PCDH15: variants seen among roughly 807,000 people sequenced by gnomAD.
PCDH15 encodes the protein protocadherin-15.
Under a neutral mutation model 178.5 loss-of-function variants are expected in PCDH15, and 129 were observed. The ratio of observed to expected loss-of-function variants is 0.72; its 90% CI spans 0.63 to 0.84. PCDH15 has a LOEUF of 0.84. Ranked by LOEUF, PCDH15 falls within the 40% of genes least tolerant of loss-of-function variation. The pLI, the probability that PCDH15 is intolerant of heterozygous loss-of-function variation, is 0.00. For missense variants in PCDH15, 2,230 were observed against 2,099.9 expected (o/e 1.06, Z -1.21); for synonymous variants, 800 against 732.0 (o/e 1.09, Z -1.50).
chr10:54,525,370 C>T (rs542164597), intron 3 of PCDH15, among the ~76,000 whole-genome samples: 1 of 152,248 alleles, frequency 6.6e-6, no homozygotes, highest in East Asian at 1.9e-4. Flanking sequence ...AATAGGAAAC[C>T]CACATGTTTT....
chr10:54,823,170 G>A (rs1415676580), intron 3 of PCDH15, among the ~76,000 whole-genome samples: 7 of 151,592 alleles, frequency 4.6e-5, no homozygotes, highest in Non-Finnish European at 7.4e-5. Flanking sequence ...GCGTGAGCCT[G>A]TAATGGGTTA....
chr10:54,397,020 C>T (rs1252314292), intron 3 of PCDH15, among the ~76,000 whole-genome samples: 1 of 152,036 alleles, frequency 6.6e-6, no homozygotes, highest in East Asian at 1.9e-4. Flanking sequence ...ATGAATTTCT[C>T]AACCATTGTT....
chr10:55,619,611 A>C (rs1843547743), intron 2 of PCDH15, among the ~76,000 whole-genome samples: 1 of 152,064 alleles, frequency 6.6e-6, no homozygotes, highest in Non-Finnish European at 1.5e-5. Context: ...CAAATTAGTT[A>C]ATAAATGTAA....
intron 10 of PCDH15, among the ~76,000 whole-genome samples, chr10:54,207,499 G>T (rs751347721): frequency 1.3e-5 from 2 of 151,856 alleles, no homozygotes; most frequent in African/African-American, 4.8e-5. Context: ...TAAAACAAAA[G>T]TTGTAAAAGG....
In PCDH15 at chr10:55,182,489, C is replaced by T. The variant is rs139379150; in HGVS notation, c.-155-15838G>A. Reference sequence around the variant, plus strand: ...ATTAAGTCTTGGCTTTGTCACTGATCGCTGTCAACTTGGACAGGTTACTTT... The same window carrying T: ...ATTAAGTCTTGGCTTTGTCACTGATTGCTGTCAACTTGGACAGGTTACTTT... On this transcript the variant is annotated intron_variant, in intron 1 of 5. Coordinates refer to the PCDH15 transcript ENST00000458638. Among the ~76,000 whole-genome samples the T allele has an allele frequency of 1.7e-3, 251 of 152,056 alleles. 1 individual carries two copies. Among genetic ancestry groups the T allele is most frequent in the African/African-American group, 5.6e-3 (231 of 41,532 alleles).
In PCDH15 at chr10:53,943,974, T is replaced by C. The variant is rs979387243; in HGVS notation, c.3123-2999A>G. On this transcript the variant is annotated intron_variant, in intron 23 of 37. Transcript: ENST00000644397. ...GTACCAGTTACATGATGGAGGCAAA[T>C]TGCATACTCTCTTTGGAGTCACATA... Among the ~76,000 whole-genome samples, 6 of 152,156 alleles carry C rather than the reference T, an allele frequency of 3.9e-5. No homozygotes were observed. In the East Asian group the frequency reaches 7.7e-4, roughly 20 times the overall value.
At chr10:55,423,589 G>A (rs1838677677) in intron 2 of PCDH15, among the ~76,000 whole-genome samples, 1 of 152,026 alleles carries the variant, frequency 6.6e-6, no homozygotes, top group Admixed American at 6.6e-5. Flanking sequence ...CCTCTGTTTA[G>A]AGCAAGGAAT....
intron 3 of PCDH15, among the ~76,000 whole-genome samples, chr10:54,392,899 A>C (rs1246378304): frequency 9.9e-6 from 1 of 100,504 alleles, no homozygotes; most frequent in Non-Finnish European, 1.8e-5. Flanking sequence ...ACTCAGGCTC[A>C]AAAAAAAAAA....
At chr10:54,415,946 T>C (rs2135720988) in intron 3 of PCDH15, among the ~76,000 whole-genome samples, 1 of 152,116 alleles carries the variant, frequency 6.6e-6, no homozygotes, top group South Asian at 2.1e-4. Flanking sequence ...TGAATAGGTA[T>C]AATATTTTTT....
At chr10:54,063,164 T>G (rs575107444) in intron 18 of PCDH15, among the ~76,000 whole-genome samples, 40 of 152,340 alleles carry the variant, frequency 2.6e-4, no homozygotes, top group African/African-American at 9.4e-4. Flanking sequence ...GTAATTTTTA[T>G]AAAATACAAA....
rs77298585 is a variant in PCDH15, at chr10:54,186,304, A to T, written c.1306-1036T>A. On this transcript the variant is annotated intron_variant, in intron 11 of 37. Transcript: ENST00000644397. ...CACTTCTTTAAGTCTGATGTCAAGG[A>T]CTGAGGCAAGAGCAAAGAATAGAAA... Among the ~76,000 whole-genome samples the T allele has an allele frequency of 9.4e-4, 143 of 152,132 alleles. 5 individuals are homozygous for T. The East Asian group carries it at 0.026, about 27-fold the overall frequency.
chr10:54,334,286 G>A (rs1203098645), intron 6 of PCDH15, among the ~76,000 whole-genome samples: 1 of 152,154 alleles, frequency 6.6e-6, no homozygotes, highest in Non-Finnish European at 1.5e-5. Flanking sequence ...ACAGATATGG[G>A]AAGCAGGGTA....
chr10:54,041,956 C>T (rs546128117), intron 18 of PCDH15, among the ~76,000 whole-genome samples: 2 of 151,924 alleles, frequency 1.3e-5, no homozygotes, highest in Non-Finnish European at 2.9e-5. Flanking sequence ...TAGTAACATT[C>T]TTGAGATTAT....
At position 53,973,840 on chromosome 10, in the gene PCDH15, T is replaced by C. The variant is rs919132550; in HGVS notation, c.2869-11948A>G. Among the ~76,000 whole-genome samples the C allele has an allele frequency of 2.0e-5, 3 of 152,280 alleles. No individual in the cohort carries two copies. In the East Asian group the frequency reaches 5.8e-4, roughly 29 times the overall value. On this transcript the variant is annotated intron_variant, in intron 21 of 37. Transcript: ENST00000644397. ...ATACTTAGATATGAGGAAGAGCCTT[T>C]CTAATTGGTAAAGTAACATAGTCTC...
chr10:55,437,835 T>TC (rs1399269279), intron 2 of PCDH15, among the ~76,000 whole-genome samples: 1 of 144,464 alleles, frequency 6.9e-6, no homozygotes, highest in African/African-American at 2.6e-5. Context: ...TGCTTTTCTT[T>TC]TTTTTTTTTT....
chr10:54,835,380 T>C (rs1339919257), intron 3 of PCDH15, among the ~76,000 whole-genome samples: 1 of 152,150 alleles, frequency 6.6e-6, no homozygotes, highest in Admixed American at 6.6e-5. Flanking sequence ...TCCATTCACA[T>C]AAAAATTATT....
intron 9 of PCDH15, among the ~76,000 whole-genome samples, chr10:54,230,308 T>C (rs2053915365): frequency 2.6e-5 from 4 of 152,070 alleles, no homozygotes. Flanking sequence ...CAGCTATAAG[T>C]GTTCAGTTAT....
intron 21 of PCDH15, among the ~76,000 whole-genome samples, chr10:53,972,283 T>C (rs111545910): frequency 1.4e-5 from 2 of 142,024 alleles, no homozygotes; most frequent in African/African-American, 5.2e-5. Flanking sequence ...ATACAAAAAT[T>C]AATTCAAGAT....
At chr10:55,231,725 A>T (rs942409431) in intron 1 of PCDH15, among the ~76,000 whole-genome samples, 4 of 152,050 alleles carry the variant, frequency 2.6e-5, no homozygotes, top group African/African-American at 7.2e-5. Context: ...AGGTATTCAA[A>T]TTGTCAAATG....
Sources: gnomAD v4.1 joint callset for allele counts (sites outside exome capture counted in the v4.1 genomes callset) on GRCh38, gnomAD v4.1.1 for gene constraint, MANE v1.5 for transcripts, NCBI Gene and HGNC (gene_info 2026-07-23, HGNC 2026-07-21) for gene names.